Variants in NF1 observed in about 807,000 individuals in gnomAD.
The protein encoded by NF1 is neurofibromin.
A neutral mutation model predicts 325.7 loss-of-function variants in NF1; 122 were observed. The ratio of observed to expected loss-of-function variants is 0.37; its 90% CI spans 0.32 to 0.44. The LOEUF (loss-of-function observed/expected upper bound fraction) is 0.44. Among genes scored for constraint, NF1 ranks in the 20% least tolerant of loss-of-function variants. The pLI is 1.00. For missense variants in NF1, 2,140 were observed against 3,415.4 expected (o/e 0.63, Z 9.31); for synonymous variants, 1,091 against 1,186.0 (o/e 0.92, Z 1.65).
intron 38 of NF1, 28 bp from the exon 39 acceptor site, chr17:31,330,268 A>AAACAACTTC (rs2069447161): frequency 6.2e-7 from 1 of 1,608,788 alleles, no homozygotes; most frequent in African/African-American, 1.3e-5. Flanking sequence ...ATACGTTTTA[A>AAACAACTTC]AACAACTTCA....
At chr17:31,206,114 G>GT in intron 11 of NF1, 126 bp from the exon 12 acceptor site, 1 of 941,252 alleles carries the variant, frequency 1.1e-6, no homozygotes, top group African/African-American at 1.6e-5. Context: ...AAATCATGGT[G>GT]TGTGTTTGCA....
intron 1 of NF1, among the ~76,000 whole-genome samples, chr17:31,114,091 G>A (rs1913676736): frequency 6.6e-6 from 1 of 152,162 alleles, no homozygotes; most frequent in Non-Finnish European, 1.5e-5. Context: ...GAAGAGGGAA[G>A]GAATTGATTT....
rs17884878 is a variant in NF1 at position 31,375,613 on chromosome 17, A to G, written c.*1458A>G. ...TCCCAGGTTCCCTTTATATGTTAAG[A>G]TATAATGGCTTTGAGGGGGGAAAAA... On this transcript the variant is annotated 3_prime_UTR_variant, in exon 58 of 58. Coordinates refer to ENST00000358273, the MANE Select transcript of NF1 (RefSeq NM_001042492.3). The G allele has an allele frequency of 6.1e-3, 1,415 of 232,814 alleles. 29 individuals are homozygous for G. Among genetic ancestry groups the G allele is most frequent in the African/African-American group, 0.029 (1,316 of 45,426 alleles). The allele number at this position is 232,814 out of a possible 1,614,324, so 14.4% of individuals were successfully genotyped here.
Position 31,110,279 on chromosome 17 carries a change from G to A in NF1, c.60+14910G>A, listed in dbSNP as rs145038677. On this transcript the variant is annotated intron_variant, in intron 1 of 57. Transcript: ENST00000358273. Reference sequence around the variant, plus strand: ...AAAAAAATATTGGAGAGCTATGGATGTAATGAGGACTAGATGAATTAGAAT... The same window carrying A: ...AAAAAAATATTGGAGAGCTATGGATATAATGAGGACTAGATGAATTAGAAT... Among the ~76,000 whole-genome samples, 592 of 152,322 alleles carry A rather than the reference G, an allele frequency of 3.9e-3. 3 individuals are homozygous for A. Among genetic ancestry groups the A allele is most frequent in the African/African-American group, 0.014 (571 of 41,570 alleles).
At position 31,229,434 on chromosome 17, in the gene NF1, C is replaced by G. The variant is rs368995630; in HGVS notation, c.2819C>G (p.Thr940Ser). The change falls in exon 21 of 58, where the codon ACC (threonine) becomes AGC (serine). Residue 940 changes from threonine (T) to serine (S), a missense_variant. This residue lies in a region of NF1 where 380 missense variants were observed against 639.3 expected (regional missense o/e 0.59). Coordinates refer to ENST00000358273, the MANE Select transcript of NF1 (RefSeq NM_001042492.3). ...YPMLFNKLKN[T>S]ISKFFDSQGQ... is the part of the protein sequence containing the mutation. ...ATGCTATTTAACAAATTGAAGAATA[C>G]CATCAGCAAGTTTTTTGACTCCCAA... 10 of 1,613,736 alleles carry G rather than the reference C, an allele frequency of 6.2e-6. No individual in the cohort carries two copies. The highest frequency in any genetic ancestry group is 8.5e-6 in the Non-Finnish European group (10 of 1,179,794).
In NF1 at chr17:31,146,177, A is replaced by G. The variant is rs187808433; in HGVS notation, c.61-9806A>G. ...AAATCAAGGTTTTGGTTGGGGCCTC[A>G]GTCTTATCTGAGGCTTGGGGTTCTC... On this transcript the variant is annotated intron_variant, in intron 1 of 57. Transcript: ENST00000358273. Among the ~76,000 whole-genome samples the G allele has an allele frequency of 1.7e-3, 253 of 152,256 alleles. 2 individuals are homozygous for G. The highest frequency in any genetic ancestry group is 5.7e-3 in the African/African-American group (236 of 41,552).
At chr17:31,325,181 A>T (rs2069310358) in intron 36 of NF1, among the ~76,000 whole-genome samples, 1 of 152,224 alleles carries the variant, frequency 6.6e-6, no homozygotes, top group Non-Finnish European at 1.5e-5. Flanking sequence ...TTTATCTCAT[A>T]CACAAATGAT....
chr17:31,268,913 G>A (rs576943764), intron 36 of NF1, among the ~76,000 whole-genome samples: 4 of 151,468 alleles, frequency 2.6e-5, no homozygotes, highest in South Asian at 4.2e-4. Flanking sequence ...GCTATGTTGC[G>A]CAGGCTGGGC....
At chr17:31,221,167 A>T (rs1597705783) in intron 14 of NF1, among the ~76,000 whole-genome samples, 1 of 151,996 alleles carries the variant, frequency 6.6e-6, no homozygotes, top group Non-Finnish European at 1.5e-5. Context: ...GTTCGAAGGA[A>T]GAGTTTGTGT....
At chr17:31,126,187 TA>T (rs985315141) in intron 1 of NF1, among the ~76,000 whole-genome samples, 2 of 150,182 alleles carry the variant, frequency 1.3e-5, no homozygotes, top group Admixed American at 6.7e-5. Context: ...ACACTTCGTC[TA>T]AAAAAAAAGA....
At chr17:31,130,980 C>G (rs1294483577) in intron 1 of NF1, among the ~76,000 whole-genome samples, 1 of 152,104 alleles carries the variant, frequency 6.6e-6, no homozygotes, top group Non-Finnish European at 1.5e-5. Context: ...GTATGTGGCC[C>G]CCCCCGGCAG....
intron 8 of NF1, among the ~76,000 whole-genome samples, chr17:31,183,990 C>G (rs1017112915): frequency 6.6e-6 from 1 of 152,220 alleles, no homozygotes; most frequent in African/African-American, 2.4e-5. Flanking sequence ...TATTCTATTA[C>G]TTCTGTCCCT....
At chr17:31,269,218 G>A (rs2067846869) in intron 36 of NF1, among the ~76,000 whole-genome samples, 1 of 152,110 alleles carries the variant, frequency 6.6e-6, no homozygotes, top group African/African-American at 2.4e-5. Context: ...TAGAAAGCTT[G>A]TCTGTCCCAT....
intron 1 of NF1, among the ~76,000 whole-genome samples, chr17:31,118,314 T>C (rs1275959492): frequency 1.3e-5 from 2 of 151,972 alleles, no homozygotes; most frequent in African/African-American, 2.4e-5. Flanking sequence ...TTTAATACTT[T>C]AAGTTCTGGG....
chr17:31,242,304 T>C (rs1230754829), intron 29 of NF1, among the ~76,000 whole-genome samples: 1 of 130,782 alleles, frequency 7.6e-6, no homozygotes, highest in Non-Finnish European at 1.6e-5. Flanking sequence ...TCATAAGTTC[T>C]CTTTTTTTTT....
intron 37 of NF1, among the ~76,000 whole-genome samples, chr17:31,327,181 C>T (rs1168526137): frequency 1.3e-5 from 2 of 152,208 alleles, no homozygotes; most frequent in Non-Finnish European, 1.5e-5. Context: ...AGGCTGATCA[C>T]GAACTCCTGA....
chr17:31,215,871 A>G (rs1015244222), intron 13 of NF1, among the ~76,000 whole-genome samples: 12 of 152,200 alleles, frequency 7.9e-5, no homozygotes, highest in African/African-American at 2.9e-4. Context: ...TATGATTCCA[A>G]GAGTTCTATG....
intron 36 of NF1, among the ~76,000 whole-genome samples, chr17:31,315,559 C>G (rs1036440003): frequency 6.6e-6 from 1 of 152,054 alleles, no homozygotes; most frequent in Non-Finnish European, 1.5e-5. Flanking sequence ...ATTTAAAATA[C>G]AAAAAATTTT....
intron 39 of NF1, among the ~76,000 whole-genome samples, chr17:31,332,184 G>T (rs576975353): frequency 6.6e-6 from 1 of 151,992 alleles, no homozygotes; most frequent in African/African-American, 2.4e-5. Flanking sequence ...ATCCTTAATC[G>T]GCCAGACGCG....
Sources: gnomAD v4.1 joint callset for allele counts (sites outside exome capture counted in the v4.1 genomes callset) on GRCh38, gnomAD v4.1.1 for gene constraint, gnomAD v4.1.1 regional missense constraint, MANE v1.5 for transcripts, NCBI Gene and HGNC (gene_info 2026-07-23, HGNC 2026-07-21) for gene names.